NFIB: variants seen among roughly 807,000 people sequenced by gnomAD.
NFIB encodes nuclear factor I B, also known as nuclear factor 1 B-type.
In NFIB, 11 loss-of-function variants were observed where a neutral mutation model predicts 61.5. The ratio of observed to expected loss-of-function variants is 0.18; its 90% confidence interval spans 0.11 to 0.30. NFIB has a LOEUF of 0.30. Ranked by LOEUF, NFIB falls within the 10% of genes least tolerant of loss-of-function variation. The probability of loss-of-function intolerance (pLI) is 1.00; values close to 1 mark genes in which losing one functional copy is unlikely to be tolerated. For synonymous variants in NFIB, 260 were observed against 216.5 expected (o/e 1.20, Z -1.76); for missense variants, 471 against 608.9 (o/e 0.77, Z 2.38).
chr9:14,480,765 G>C, the NFIB span, among the ~76,000 whole-genome samples: 3 of 152,254 alleles, frequency 2.0e-5, no homozygotes, highest in Admixed American at 1.3e-4. Context: ...TCAACACTTA[G>C]AGAAACATGG....
chr9:14,098,101 T>C (rs1282673198), intron 10 of NFIB, among the ~76,000 whole-genome samples: 1 of 152,196 alleles, frequency 6.6e-6, no homozygotes, highest in African/African-American at 2.4e-5. Flanking sequence ...AAAAGTCTCT[T>C]TGGTGCCATT....
chr9:14,175,233 G>A (rs1758755971), intron 3 of NFIB, among the ~76,000 whole-genome samples: 1 of 133,080 alleles, frequency 7.5e-6, no homozygotes, highest in African/African-American at 2.8e-5. Flanking sequence ...GAGTGCAGTG[G>A]TGCGATCTCG....
At chr9:14,360,602 T>G (rs958336648) in intron 1 of NFIB, among the ~76,000 whole-genome samples, 9 of 151,526 alleles carry the variant, frequency 5.9e-5, no homozygotes, top group African/African-American at 2.2e-4. Flanking sequence ...TGGAGTGCAG[T>G]GGCGCGATCT....
chr9:14,501,384 T>C, the NFIB span, among the ~76,000 whole-genome samples: 53 of 152,354 alleles, frequency 3.5e-4, no homozygotes, highest in African/African-American at 1.2e-3. Flanking sequence ...TTGTGCTCTT[T>C]GCTTCCTTAA....
chr9:14,255,290 T>G (rs907718549), intron 2 of NFIB, among the ~76,000 whole-genome samples: 5 of 152,180 alleles, frequency 3.3e-5, no homozygotes, highest in Admixed American at 2.0e-4. Flanking sequence ...TTGGACATTT[T>G]TTGATTCTGC....
At chr9:14,517,737 T>C in the NFIB span, among the ~76,000 whole-genome samples, 4 of 152,152 alleles carry the variant, frequency 2.6e-5, no homozygotes, top group Non-Finnish European at 5.9e-5. Context: ...TTGGTGTGGA[T>C]TTTTTTCTGC....
At chr9:14,315,598 T>A (rs1055815341), upstream of NFIB, among the ~76,000 whole-genome samples, 1 of 144,592 alleles carries the variant, frequency 6.9e-6, no homozygotes, top group East Asian at 2.1e-4. Context: ...CTGCGGGCCC[T>A]GAGCCGCTCG....
intron 2 of NFIB, among the ~76,000 whole-genome samples, chr9:14,183,574 T>C (rs1396401687): frequency 1.3e-5 from 2 of 151,978 alleles, no homozygotes; most frequent in Non-Finnish European, 2.9e-5. Flanking sequence ...CAGCTAGTTT[T>C]TGTATTTTTT....
intron 10 of NFIB, among the ~76,000 whole-genome samples, chr9:14,090,616 A>C (rs1587068791): frequency 6.6e-6 from 1 of 152,224 alleles, no homozygotes; most frequent in Non-Finnish European, 1.5e-5. Flanking sequence ...ATAAATTACA[A>C]AAATGGTTAT....
chr9:14,326,331 A>T (rs2060751513), intron 1 of NFIB, among the ~76,000 whole-genome samples: 1 of 152,246 alleles, frequency 6.6e-6, no homozygotes, highest in Non-Finnish European at 1.5e-5. Context: ...TGTGGAAAAG[A>T]CTTCAAGAAA....
the NFIB span, among the ~76,000 whole-genome samples, chr9:14,427,981 G>T: frequency 1.3e-5 from 1 of 76,102 alleles, no homozygotes; most frequent in African/African-American, 4.7e-5. Context: ...ATCTCACTCT[G>T]TCACTCAGGC....
At chr9:14,158,798 G>C (rs7846990) in intron 3 of NFIB, among the ~76,000 whole-genome samples, 9,645 of 152,184 alleles carry the variant, frequency 0.063, 899 homozygotes, top group African/African-American at 0.21. Context: ...GGGTCGGATT[G>C]TATCTCTTAC....
intron 3 of NFIB, among the ~76,000 whole-genome samples, chr9:14,164,710 T>G (rs1476863257): frequency 5.3e-5 from 8 of 152,132 alleles, no homozygotes; most frequent in African/African-American, 1.9e-4. Context: ...TAACCAAAAT[T>G]GAGCAGAGAA....
chr9:14,247,911 T>C (rs987987625), intron 2 of NFIB, among the ~76,000 whole-genome samples: 2 of 151,784 alleles, frequency 1.3e-5, no homozygotes, highest in Non-Finnish European at 2.9e-5. Context: ...GTCTACACAG[T>C]ATCTACTAAT....
intron 1 of NFIB, among the ~76,000 whole-genome samples, chr9:14,328,961 G>A (rs2060787089): frequency 6.6e-6 from 1 of 152,120 alleles, no homozygotes; most frequent in Admixed American, 6.5e-5. Flanking sequence ...AAAGTGGAAG[G>A]TGAGACTTTT....
At chr9:14,260,649 G>A (rs1222674773) in intron 2 of NFIB, among the ~76,000 whole-genome samples, 2 of 152,310 alleles carry the variant, frequency 1.3e-5, no homozygotes, top group South Asian at 2.1e-4. Flanking sequence ...ATGGAGGTGT[G>A]CCAGTCGAGC....
At chr9:14,207,011 G>A (rs531454271) in intron 2 of NFIB, among the ~76,000 whole-genome samples, 1 of 152,104 alleles carries the variant, frequency 6.6e-6, no homozygotes, top group Non-Finnish European at 1.5e-5. Flanking sequence ...ATATCTTCTA[G>A]GTGAACAGTA....
rs941062383 is a variant in NFIB at position 14,338,009 on chromosome 9, G to A, written c.109-30489C>T. 2.0e-5 allele frequency among the ~76,000 whole-genome samples: 3 copies of A among 152,192 alleles called. 1 individual carries two copies. Among genetic ancestry groups the A allele is most frequent in the Middle Eastern group, 6.8e-3 (2 of 294 alleles). On this transcript the variant is annotated intron_variant, in intron 1 of 8. Transcript: ENST00000380934. The stretch of plus-strand genomic sequence containing the variant: ...CTTTCCCTTTGTCCCTCTGTTCCTC[G>A]GTGTTGATTCTTTTCTTAATATTTT...
intron 2 of NFIB, among the ~76,000 whole-genome samples, chr9:14,209,896 T>C (rs2050136747): frequency 6.6e-6 from 1 of 151,358 alleles, no homozygotes; most frequent in African/African-American, 2.5e-5. Context: ...TTTTTTTTTT[T>C]CCTAAAAAAA....
Sources: allele counts gnomAD v4.1 joint callset (sites outside exome capture counted in the v4.1 genomes callset), GRCh38; gene constraint gnomAD v4.1.1; transcripts MANE v1.5; gene names NCBI Gene and HGNC (gene_info 2026-07-23, HGNC 2026-07-21).